Variants in SHFL observed in about 807,000 individuals in gnomAD.
SHFL encodes shiftless antiviral inhibitor of ribosomal frameshifting.
In SHFL, 12 loss-of-function variants were observed where a neutral mutation model predicts 34.7. The ratio of observed to expected loss-of-function variants is 0.35; its 90% CI spans 0.22 to 0.56. SHFL has a LOEUF of 0.56. SHFL is among the 20% of genes least tolerant of loss of function. The pLI, the probability that SHFL is intolerant of heterozygous loss-of-function variation, is 0.88. For missense variants in SHFL, 278 were observed against 411.1 expected (o/e 0.68, Z 2.80); for synonymous variants, 148 against 156.0 (o/e 0.95, Z 0.38).
intron 2 of SHFL, 73 bp from the exon 3 acceptor site, chr19:10,087,178 C>T: frequency 5.6e-6 from 9 of 1,603,828 alleles, no homozygotes; most frequent in Non-Finnish European, 7.7e-6. Flanking sequence ...GGCTCTGCGT[C>T]GCGGCTCTGG....
Position 10,087,259 on chromosome 19 carries a change from C to G in SHFL, c.154C>G (p.Gln52Glu). The G allele has an allele frequency of 6.2e-7, 1 of 1,614,014 alleles. No homozygotes were observed. The highest frequency in any genetic ancestry group is 1.1e-5 in the South Asian group (1 of 91,090). Residue 52 changes from glutamine to glutamate, a missense_variant, in exon 3 of 8, where the codon CAA becomes GAA. By Grantham distance (29) the Gln-to-Glu change is conservative. This residue lies in a region of SHFL where 243 missense variants were observed against 386.2 expected (regional missense o/e 0.63). Transcript: ENST00000253110. Reference sequence around the variant, plus strand: ...TGCACTCTCCCCCGCAGGGGTAAAGCAAAAAGATGGCCAAGAACTAAGTAA... The same window carrying G: ...TGCACTCTCCCCCGCAGGGGTAAAGGAAAAAGATGGCCAAGAACTAAGTAA... ...VGRSIVYGVK[Q>E]KDGQELSNDL...
In SHFL at chr19:10,089,280, T is replaced by C. The variant is rs754765740; in HGVS notation, c.196-377T>C. ...CAGCTGGAAGTGATACAGCTGGGAT[T>C]TGAACCCACATCTCTCTCCCACTTA... is the stretch of plus-strand genomic sequence containing the variant. On this transcript the variant is annotated intron_variant, in intron 3 of 7. Transcript: ENST00000253110. 2.5e-6 allele frequency: 4 copies of C among 1,595,086 alleles called. No homozygotes were observed. In the African/African-American group the frequency reaches 5.3e-5, roughly 21 times the overall value.
intron 3 of SHFL, chr19:10,089,139 C>G: frequency 1.5e-6 from 1 of 657,170 alleles, no homozygotes; most frequent in Non-Finnish European, 2.7e-6. Context: ...AAGTCACTTG[C>G]CAGCAAGCAG....
rs112994505 is a variant in SHFL at position 10,091,053 on chromosome 19, G to A, written c.385-197G>A. ...CAAAAGAGGCAGGAAGCCAAGATGT[G>A]TAGTGTTTGCCAATTTCTGTGGTGT... On this transcript the variant is annotated intron_variant, in intron 5 of 7. Transcript: ENST00000253110. This position sits in a 1 kb window ranked among gnomAD's most constrained non-coding sequence, Gnocchi z 8.2. 7.6e-4 allele frequency among the ~76,000 whole-genome samples: 115 copies of A among 152,206 alleles called. 1 individual carries two copies. The highest frequency in any genetic ancestry group is 1.4e-3 in the Non-Finnish European group (96 of 68,044).
intron 5 of SHFL, among the ~76,000 whole-genome samples, chr19:10,090,823 G>T (rs570112130): frequency 1.3e-5 from 2 of 151,480 alleles, no homozygotes; most frequent in East Asian, 3.9e-4. Flanking sequence ...TGGGAGGATC[G>T]TTTGAGCCTG....
Position 10,092,456 on chromosome 19 carries a change from C to G in SHFL, c.*154C>G. On this transcript the variant is annotated 3_prime_UTR_variant, in exon 8 of 8. Coordinates refer to ENST00000253110, the MANE Select transcript of SHFL (RefSeq NM_018381.4). ...ATTCCTGGGTCCCATTTTCAGCGCC[C>G]AGGGTCACAGATCCACAGTGGGAAG... is the stretch of plus-strand genomic sequence containing the variant. 6.6e-7 allele frequency: 1 copy of G among 1,521,254 alleles called. No homozygotes were observed. The highest frequency in any genetic ancestry group is 8.9e-7 in the Non-Finnish European group (1 of 1,129,464). The allele number at this position is 1,521,254 out of a possible 1,614,324, so 94.2% of individuals were successfully genotyped here.
At position 10,086,881 on chromosome 19, in the gene SHFL, G is replaced by A. The variant is rs779853424; in HGVS notation, c.22-48G>A. 3 of 1,606,286 alleles carry A rather than the reference G, an allele frequency of 1.9e-6. No homozygotes were observed. The highest frequency in any genetic ancestry group is 2.6e-6 in the Non-Finnish European group (3 of 1,175,534). ...CGGTGCCTAGAGATGGGGGAGGGAT[G>A]ATCCCGTTTCCCCTTCCCCCACCGG... is the stretch of plus-strand genomic sequence containing the variant. On this transcript the variant is annotated intron_variant, in intron 1 of 7. Transcript: ENST00000253110. This position sits in a 1 kb window ranked among gnomAD's most constrained non-coding sequence, Gnocchi z 5.2.
At chr19:10,090,335 T>G in intron 5 of SHFL, 1 of 399,306 alleles carries the variant, frequency 2.5e-6, no homozygotes, top group Non-Finnish European at 4.6e-6. Context: ...CAGTGGCTCA[T>G]GGCTGCAATC....
Position 10,086,812 on chromosome 19 carries a change from G to GGGC in SHFL, c.22-116_22-115insGCG. On this transcript the variant is annotated intron_variant, in intron 1 of 7. Coordinates refer to ENST00000253110, the MANE Select transcript of SHFL (RefSeq NM_018381.4). This position sits in a 1 kb window ranked among gnomAD's most constrained non-coding sequence, Gnocchi z 5.2. ...GTAAAGGGATGAAAGGCGGGGGGGGGGCGGCGGAGGCCAAAACCAAGGGTC... is the reference window on the plus strand; with the variant it reads ...GTAAAGGGATGAAAGGCGGGGGGGGGGGCGCGGCGGAGGCCAAAACCAAGGGTC... The GGGC allele has an allele frequency of 3.3e-6, 4 of 1,210,490 alleles. No homozygotes were observed. Among genetic ancestry groups the GGGC allele is most frequent in the Non-Finnish European group, 2.3e-6 (2 of 868,414 alleles). The allele number at this position is 1,210,490 out of a possible 1,614,324, so 75.0% of individuals were successfully genotyped here.
Position 10,087,033 on chromosome 19 carries a change from G to T in SHFL, c.126G>T (p.Val42=), listed in dbSNP as rs749175062. ...MRKFGSDHTG[V]GRSIVYGVKQ... ...AATTCGGCAGCGACCACACGGGAGT[G>T]GGGCGCTCCATCGTGTACGGTGAGG... The change falls in exon 2 of 8, where the codon GTG becomes GTT. Residue 42 remains valine (V), a synonymous_variant. Transcript: ENST00000253110. The T allele has an allele frequency of 3.7e-6, 6 of 1,612,376 alleles. No homozygotes were observed. Among genetic ancestry groups the T allele is most frequent in the Non-Finnish European group, 5.1e-6 (6 of 1,179,252 alleles).
chr19:10,087,819 TTGAATGAATGAATGAA>T (rs61613120), intron 3 of SHFL: 207 of 155,360 alleles, frequency 1.3e-3, no homozygotes, highest in Middle Eastern at 6.4e-3. Flanking sequence ...AACCCTTGTG[TTGAATGAATGAATGAA>T]TGAATGAATG....
rs748736911 is a variant in SHFL at position 10,092,107 on chromosome 19, G to A, written c.681G>A (p.Lys227=). ...HVPGTSCAHP[K]SRKQNHLPKV... is the part of the protein sequence containing the mutation. ...CTGGGACATCCTGTGCTCACCCCAA[G>A]AGCCGGAAGCAGAACCACCTGCCCA... The change falls in exon 8 of 8, where the codon AAG becomes AAA. Residue 227 remains lysine (K), a synonymous_variant. Transcript: ENST00000253110. 5.6e-6 allele frequency: 9 copies of A among 1,613,692 alleles called. No homozygotes were observed. The highest frequency in any genetic ancestry group is 1.6e-4 in the Middle Eastern group (1 of 6,074).
chr19:10,092,614 A>G lies in SHFL; in HGVS notation c.*312A>G. 2 of 1,610,590 alleles carry G rather than the reference A, an allele frequency of 1.2e-6. No homozygotes were observed. Among genetic ancestry groups the G allele is most frequent in the East Asian group, 2.2e-5 (1 of 44,746 alleles). On this transcript the variant is annotated 3_prime_UTR_variant, in exon 8 of 8. Coordinates refer to ENST00000253110, the MANE Select transcript of SHFL (RefSeq NM_018381.4). ...TCACAGCTTCAGGGGCCGAATGAGC[A>G]TGGCGGCCTTCCTGAGAGAATATGC...
At chr19:10,089,596 A>G (rs2088346075) in intron 3 of SHFL, 61 bp from the exon 4 acceptor site, 3 of 1,556,146 alleles carry the variant, frequency 1.9e-6, no homozygotes, top group Admixed American at 3.9e-5. Flanking sequence ...CTCCCCCAGC[A>G]AACGGGTGGA....
At chr19:10,087,461 C>T (rs999086928) in intron 3 of SHFL, 161 bp downstream of exon 3, 2 of 718,676 alleles carry the variant, frequency 2.8e-6, no homozygotes, top group African/African-American at 3.5e-5. Context: ...ACCTCTCCAT[C>T]ATTTGTCCGG....
At chr19:10,089,212 A>C in intron 3 of SHFL, 1 of 1,195,138 alleles carries the variant, frequency 8.4e-7, no homozygotes, top group Non-Finnish European at 1.2e-6. Context: ...CATGCCTGTC[A>C]GTGGGAACCC....
At chr19:10,088,922 G>A (rs1415350095) in intron 3 of SHFL, 1 of 150,654 alleles carries the variant, frequency 6.6e-6, no homozygotes, top group Non-Finnish European at 1.5e-5. Flanking sequence ...ACTCTAGCCT[G>A]GGAGACAAGA....
Position 10,092,077 on chromosome 19 carries a change from C to T in SHFL, c.651C>T (p.His217=), listed in dbSNP as rs1462139161. The T allele has an allele frequency of 4.3e-6, 7 of 1,613,780 alleles. No individual in the cohort carries two copies. The highest frequency in any genetic ancestry group is 5.1e-6 in the Non-Finnish European group (6 of 1,179,828). The change falls in exon 8 of 8, where the codon CAC becomes CAT. Residue 217 remains histidine, a synonymous_variant. Coordinates refer to ENST00000253110, the MANE Select transcript of SHFL (RefSeq NM_018381.4). ...GCACCTCTCCCTCCCTAGAGCCCCACGTGCCTGGGACATCCTGTGCTCACC... is the reference window on the plus strand; with the variant it reads ...GCACCTCTCCCTCCCTAGAGCCCCATGTGCCTGGGACATCCTGTGCTCACC... ...AADCYNRREP[H]VPGTSCAHPK... is the part of the protein sequence containing the mutation.
In SHFL at chr19:10,086,534, C is replaced by T. The variant is rs1420779975; in HGVS notation, c.21+86C>T. ...AGGCGCGGAGGGGGCTTCGCAGTTC[C>T]TGGGGACCCCCATCCTAGAACCCCA... On this transcript the variant is annotated intron_variant, in intron 1 of 7. Transcript: ENST00000253110. The surrounding 1 kb of genome is among the most constrained non-coding windows in gnomAD (Gnocchi z 5.2). 4.9e-6 allele frequency: 6 copies of T among 1,228,460 alleles called. No individual in the cohort carries two copies. The highest frequency in any genetic ancestry group is 6.3e-6 in the Non-Finnish European group (6 of 953,700). 76.1% of individuals were successfully genotyped at this position (1,228,460 alleles called of 1,614,324 possible). A position where few individuals can be genotyped will look rare whatever the true frequency, so the allele number is the denominator to read the frequency against.
Sources: gnomAD v4.1 joint callset for allele counts (sites outside exome capture counted in the v4.1 genomes callset) on GRCh38, gnomAD v4.1.1 for gene constraint, gnomAD v4.1.1 regional missense constraint, Gnocchi (gnomAD v3.1) non-coding constraint, MANE v1.5 for transcripts, NCBI Gene and HGNC (gene_info 2026-07-23, HGNC 2026-07-21) for gene names.